KCNIP4: variants seen among roughly 807,000 people sequenced by gnomAD.
The protein encoded by KCNIP4 is potassium voltage-gated channel interacting protein 4, also known as Kv channel-interacting protein 4.
Under a neutral mutation model 34.0 loss-of-function variants are expected in KCNIP4, and 12 were observed. That is an observed-to-expected ratio of 0.35 (90% confidence interval 0.23 to 0.57). The LOEUF (loss-of-function observed/expected upper bound fraction) is 0.57. KCNIP4 is among the 20% of genes least tolerant of loss of function. The pLI, the probability that KCNIP4 is intolerant of heterozygous loss-of-function variation, is 0.83. For missense variants in KCNIP4, 238 were observed against 311.7 expected, an observed-to-expected ratio of 0.76 and a Z score of 1.78; for synonymous variants, 124 against 102.2, an observed-to-expected ratio of 1.21 and a Z score of -1.29.
At chr4:20,801,959 AAG>A (rs1460572664) in intron 3 of KCNIP4, among the ~76,000 whole-genome samples, 1 of 151,822 alleles carries the variant, frequency 6.6e-6, no homozygotes, top group Non-Finnish European at 1.5e-5. Context: ...ATGTAACTAA[AAG>A]AGAGCAAGAG....
intron 1 of KCNIP4, among the ~76,000 whole-genome samples, chr4:21,894,235 C>A (rs2109407547): frequency 6.6e-6 from 1 of 152,112 alleles, no homozygotes; most frequent in South Asian, 2.1e-4. Flanking sequence ...ACTTGGGAAG[C>A]TGAGGCAGGA....
chr4:21,295,079 T>C (rs1054472563), intron 1 of KCNIP4, among the ~76,000 whole-genome samples: 3 of 152,132 alleles, frequency 2.0e-5, no homozygotes, highest in African/African-American at 7.2e-5. Context: ...CCTAAAAGTG[T>C]AATTATAAGT....
chr4:21,772,847 T>G lies in KCNIP4; in HGVS notation c.61+175724A>C, dbSNP rs535290402. Reference sequence around the variant, plus strand: ...AGTCTAGCTAGCAGTCTATCTATTTTGTTAATTTTTTCAAAAAACTAGCTC... The same window carrying G: ...AGTCTAGCTAGCAGTCTATCTATTTGGTTAATTTTTTCAAAAAACTAGCTC... On this transcript the variant is annotated intron_variant, in intron 1 of 8. Coordinates refer to ENST00000382152, the MANE Select transcript of KCNIP4 (RefSeq NM_025221.6). Among the ~76,000 whole-genome samples the G allele has an allele frequency of 3.3e-4, 50 of 152,290 alleles. 1 individual carries two copies. Among genetic ancestry groups the G allele is most frequent in the African/African-American group, 1.0e-3 (43 of 41,562 alleles).
chr4:21,183,975 C>T (rs1755033248), intron 1 of KCNIP4, among the ~76,000 whole-genome samples: 1 of 152,058 alleles, frequency 6.6e-6, no homozygotes, highest in South Asian at 2.1e-4. Context: ...TTCCTTATAT[C>T]GTATCTCACT....
chr4:21,298,823 T>C (rs1271185536), intron 1 of KCNIP4, among the ~76,000 whole-genome samples: 2 of 152,200 alleles, frequency 1.3e-5, no homozygotes, highest in Non-Finnish European at 2.9e-5. Flanking sequence ...TGAGAGTATT[T>C]CATGCATAGA....
intron 1 of KCNIP4, among the ~76,000 whole-genome samples, chr4:21,313,119 G>C (rs1713368112): frequency 6.6e-6 from 1 of 152,174 alleles, no homozygotes; most frequent in South Asian, 2.1e-4. Context: ...AAAGTTGTCT[G>C]ATGCATAATT....
At chr4:21,209,337 A>C (rs1577892072) in intron 1 of KCNIP4, among the ~76,000 whole-genome samples, 1 of 152,094 alleles carries the variant, frequency 6.6e-6, no homozygotes, top group South Asian at 2.1e-4. Flanking sequence ...GCTATAAAAC[A>C]CTAGAACTTA....
At chr4:21,790,307 AC>A (rs770380551) in intron 1 of KCNIP4, among the ~76,000 whole-genome samples, 3 of 152,192 alleles carry the variant, frequency 2.0e-5, no homozygotes, top group Non-Finnish European at 2.9e-5. Context: ...GAAATTACTT[AC>A]GATTAAAAAC....
intron 1 of KCNIP4, among the ~76,000 whole-genome samples, chr4:21,817,484 CA>C (rs1206930795): frequency 6.6e-6 from 1 of 152,090 alleles, no homozygotes; most frequent in Non-Finnish European, 1.5e-5. Context: ...CAAGGGAAGA[CA>C]ACCATAAGGG....
chr4:21,593,428 G>A (rs1328352398), intron 1 of KCNIP4, among the ~76,000 whole-genome samples: 1 of 152,102 alleles, frequency 6.6e-6, no homozygotes, highest in Non-Finnish European at 1.5e-5. Flanking sequence ...CAGCCTGTCA[G>A]TGCCCTGTTC....
chr4:20,956,850 A>G (rs966381933), intron 1 of KCNIP4, among the ~76,000 whole-genome samples: 4 of 152,228 alleles, frequency 2.6e-5, no homozygotes, highest in Admixed American at 6.5e-5. Context: ...ATAGAATAAT[A>G]TGGTGAAAAG....
intron 1 of KCNIP4, among the ~76,000 whole-genome samples, chr4:21,204,682 A>C (rs575373064): frequency 6.6e-6 from 1 of 152,222 alleles, no homozygotes; most frequent in Admixed American, 6.5e-5. Context: ...TCAAGGTTTT[A>C]AATATGATAA....
chr4:21,375,070 G>T (rs2109453220), intron 1 of KCNIP4, among the ~76,000 whole-genome samples: 1 of 147,756 alleles, frequency 6.8e-6, no homozygotes, highest in Middle Eastern at 3.4e-3. Flanking sequence ...AATTTAGAGG[G>T]TGTGTGCAAA....
Position 21,388,783 on chromosome 4 carries a change from CTTCA to C in KCNIP4, c.62-506078_62-506075del, listed in dbSNP as rs577543858. On this transcript the variant is annotated intron_variant, in intron 1 of 8. Coordinates refer to ENST00000382152, the MANE Select transcript of KCNIP4 (RefSeq NM_025221.6). ...ACAATATGTAGTCTTTTGTGACTGG[CTTCA>C]TTCATTTAGCATAATATGATGACCC... is the stretch of plus-strand genomic sequence containing the variant. Among the ~76,000 whole-genome samples the C allele has an allele frequency of 3.9e-3, 601 of 152,198 alleles. 2 individuals carry two copies. Among genetic ancestry groups the C allele is most frequent in the African/African-American group, 0.014 (563 of 41,532 alleles).
chr4:21,593,770 T>C (rs1742407694), intron 1 of KCNIP4, among the ~76,000 whole-genome samples: 2 of 152,230 alleles, frequency 1.3e-5, no homozygotes, highest in Middle Eastern at 6.8e-3. Context: ...GGATAATTTG[T>C]CCAGTTCTCA....
At chr4:21,785,645 C>T (rs75931903) in intron 1 of KCNIP4, among the ~76,000 whole-genome samples, 2,254 of 141,394 alleles carry the variant, frequency 0.016, 37 homozygotes, top group Non-Finnish European at 0.021. Context: ...AGCTATTATC[C>T]CCAATCCTCC....
intron 1 of KCNIP4, among the ~76,000 whole-genome samples, chr4:21,029,570 G>A (rs1163690259): frequency 6.6e-6 from 1 of 152,186 alleles, no homozygotes; most frequent in Non-Finnish European, 1.5e-5. Context: ...AATTAGGTGG[G>A]TGGAAATGCT....
chr4:21,222,831 G>T (rs1461251966), intron 1 of KCNIP4, among the ~76,000 whole-genome samples: 1 of 152,184 alleles, frequency 6.6e-6, no homozygotes, highest in East Asian at 1.9e-4. Context: ...CAGAATCACA[G>T]TTGTGTTTTG....
At chr4:21,606,042 A>C (rs1464887123) in intron 1 of KCNIP4, among the ~76,000 whole-genome samples, 1 of 152,172 alleles carries the variant, frequency 6.6e-6, no homozygotes, top group Admixed American at 6.6e-5. Flanking sequence ...AAATGCCCTA[A>C]GCATTAAATT....
Sources: allele counts gnomAD v4.1 joint callset (sites outside exome capture counted in the v4.1 genomes callset), GRCh38; gene constraint gnomAD v4.1.1; transcripts MANE v1.5; gene names NCBI Gene and HGNC (gene_info 2026-07-23, HGNC 2026-07-21).